The following STAP1 variants were observed in gnomAD, a reference collection of about 807,000 sequenced individuals.
STAP1 encodes the protein signal transducing adaptor family member 1, also known as signal-transducing adaptor protein 1.
A neutral mutation model predicts 37.8 loss-of-function variants in STAP1; 30 were observed. That is an observed-to-expected ratio of 0.79 (90% confidence interval 0.59 to 1.08). The LOEUF (loss-of-function observed/expected upper bound fraction) is 1.08, where lower values mean the gene tolerates loss of function less well. Ranked by LOEUF, STAP1 falls within the 50% of genes least tolerant of loss-of-function variation. The pLI, the probability that STAP1 is intolerant of heterozygous loss-of-function variation, is 0.00. For missense variants in STAP1, 357 were observed against 349.4 expected, an observed-to-expected ratio of 1.02 and a Z score of -0.17; for synonymous variants, 130 against 116.0, an observed-to-expected ratio of 1.12 and a Z score of -0.78.
chr4:67,606,285 A>G lies in STAP1; in HGVS notation c.827-11A>G, dbSNP rs907312648. The G allele has an allele frequency of 6.2e-7, 1 of 1,601,292 alleles. No homozygotes were observed. The highest frequency in any genetic ancestry group is 1.4e-5 in the African/African-American group (1 of 74,068). On this transcript the variant is annotated splice_polypyrimidine_tract_variant and intron_variant, in intron 8 of 8. Coordinates refer to ENST00000265404, the MANE Select transcript of STAP1 (RefSeq NM_012108.4). Reference sequence around the variant, plus strand: ...GTTCGCTAATTAAGTTTTTCTACCCACAATTTCTAGGTCAAGAACCCAGTA... The same window carrying G: ...GTTCGCTAATTAAGTTTTTCTACCCGCAATTTCTAGGTCAAGAACCCAGTA...
intron 1 of STAP1, among the ~76,000 whole-genome samples, chr4:67,568,878 T>A (rs912966078): frequency 9.9e-5 from 15 of 152,230 alleles, no homozygotes; most frequent in African/African-American, 3.6e-4. Flanking sequence ...CCATCTGACA[T>A]GCGTAGGCTT....
chr4:67,591,028 A>C (rs1298095356), intron 7 of STAP1, 75 bp downstream of exon 7: 3 of 1,118,710 alleles, frequency 2.7e-6, no homozygotes, highest in Non-Finnish European at 3.9e-6. Context: ...GGCAAAAAGC[A>C]GCCAAGTTAA....
intron 4 of STAP1, 130 bp from the exon 5 acceptor site, chr4:67,581,175 C>T: frequency 1.2e-6 from 1 of 830,352 alleles, no homozygotes; most frequent in Admixed American, 2.9e-5. Flanking sequence ...GTTTCTTATT[C>T]CCTTAGTCCC....
At chr4:67,565,773 T>C (rs1013605191) in intron 1 of STAP1, among the ~76,000 whole-genome samples, 1 of 151,950 alleles carries the variant, frequency 6.6e-6, no homozygotes, top group Non-Finnish European at 1.5e-5. Context: ...TAAACTCTCA[T>C]ATGGGAGACA....
At position 67,593,343 on chromosome 4, in the gene STAP1, TG is replaced by T; in HGVS notation, c.814del (p.Asp272MetfsTer17). 6.2e-7 allele frequency: 1 copy of T among 1,608,448 alleles called. No homozygotes were observed. On this transcript the variant is annotated frameshift_variant, in exon 8 of 9. Transcript: ENST00000265404. LOFTEE classifies it high-confidence loss of function. Reference sequence around the variant, plus strand: ...ATTTAAGACCATTTATATGTTCAACTGATGAAAACACTGGTATGTTTTTCAC... The same window carrying T: ...ATTTAAGACCATTTATATGTTCAACTATGAAAACACTGGTATGTTTTTCAC... ...GNLRPFICSTDENTGQEPSME... is the reference protein window; with the variant it reads ...GNLRPFICSTXENTGQEPSME...
At chr4:67,603,065 C>G (rs113773262) in intron 8 of STAP1, among the ~76,000 whole-genome samples, 4 of 152,248 alleles carry the variant, frequency 2.6e-5, no homozygotes, top group South Asian at 2.1e-4. Flanking sequence ...ATTTGGTGCT[C>G]TATTCTACTG....
chr4:67,580,573 A>G (rs558682330), intron 4 of STAP1, among the ~76,000 whole-genome samples: 1 of 152,332 alleles, frequency 6.6e-6, no homozygotes, highest in South Asian at 2.1e-4. Flanking sequence ...GCTGCCTCCA[A>G]ATAAAGACTT....
chr4:67,573,463 C>G (rs1261660464), intron 2 of STAP1, among the ~76,000 whole-genome samples: 1 of 152,170 alleles, frequency 6.6e-6, no homozygotes, highest in African/African-American at 2.4e-5. Flanking sequence ...CTACTGCACT[C>G]TAACTAACTG....
intron 6 of STAP1, among the ~76,000 whole-genome samples, chr4:67,588,611 G>A (rs966890650): frequency 9.9e-5 from 15 of 151,912 alleles, no homozygotes; most frequent in African/African-American, 1.5e-4. Context: ...GGGTTTCACC[G>A]TGTTAGCCAG....
At chr4:67,592,790 C>A (rs547395954) in intron 7 of STAP1, among the ~76,000 whole-genome samples, 2 of 152,276 alleles carry the variant, frequency 1.3e-5, no homozygotes, top group South Asian at 2.1e-4. Flanking sequence ...CTCAAGGAAT[C>A]CTCCTGCCTT....
chr4:67,600,477 G>A (rs920855196), intron 8 of STAP1, among the ~76,000 whole-genome samples: 15 of 152,046 alleles, frequency 9.9e-5, no homozygotes, highest in Non-Finnish European at 2.2e-4. Flanking sequence ...TGTGTATTCT[G>A]TAGATGCTGA....
intron 8 of STAP1, among the ~76,000 whole-genome samples, chr4:67,600,651 C>T (rs914878778): frequency 6.6e-6 from 1 of 152,144 alleles, no homozygotes; most frequent in Non-Finnish European, 1.5e-5. Context: ...ATTTGCTTTA[C>T]ATACATGGGT....
chr4:67,559,047 T>C, intron 1 of STAP1, 118 bp downstream of exon 1: 3 of 1,056,842 alleles, frequency 2.8e-6, no homozygotes, highest in South Asian at 2.6e-5. Flanking sequence ...TCATCTTCTC[T>C]TCTTTGAGCT....
intron 7 of STAP1, among the ~76,000 whole-genome samples, chr4:67,591,799 C>T (rs1204492903): frequency 6.6e-6 from 1 of 152,200 alleles, no homozygotes; most frequent in East Asian, 1.9e-4. Context: ...GCTGCTGATT[C>T]ATAGAGCACA....
chr4:67,563,818 G>A (rs143213898), intron 1 of STAP1, among the ~76,000 whole-genome samples: 2 of 152,152 alleles, frequency 1.3e-5, no homozygotes, highest in East Asian at 1.9e-4. Context: ...ACTTGACCAT[G>A]CTGCTTCTCA....
chr4:67,588,150 AT>A (rs1429928528), intron 6 of STAP1, among the ~76,000 whole-genome samples: 1 of 140,764 alleles, frequency 7.1e-6, no homozygotes, highest in African/African-American at 2.7e-5. Context: ...ATCTCTTTTT[AT>A]TTCTTTGGAA....
intron 1 of STAP1, among the ~76,000 whole-genome samples, chr4:67,570,391 C>T (rs977550019): frequency 2.0e-5 from 3 of 152,166 alleles, no homozygotes; most frequent in African/African-American, 4.8e-5. Flanking sequence ...AATTTTTCAG[C>T]GCCATTGTAT....
At chr4:67,605,008 TTG>T (rs1054167488) in intron 8 of STAP1, among the ~76,000 whole-genome samples, 2 of 152,212 alleles carry the variant, frequency 1.3e-5, no homozygotes, top group Non-Finnish European at 2.9e-5. Flanking sequence ...AGCCTGGAAT[TTG>T]TGTCACTTCA....
intron 6 of STAP1, among the ~76,000 whole-genome samples, chr4:67,585,379 C>T (rs1311884835): frequency 6.6e-6 from 1 of 152,154 alleles, no homozygotes; most frequent in Non-Finnish European, 1.5e-5. Context: ...AAATTTAAAA[C>T]ATGGCATTAT....
Sources: gnomAD v4.1 joint callset for allele counts (sites outside exome capture counted in the v4.1 genomes callset) on GRCh38, gnomAD v4.1.1 for gene constraint, MANE v1.5 for transcripts, NCBI Gene and HGNC (gene_info 2026-07-23, HGNC 2026-07-21) for gene names.